Variants in SLC9A1 observed in about 807,000 individuals in gnomAD.
SLC9A1 encodes the protein sodium/hydrogen exchanger 1.
Under a neutral mutation model 67.9 loss-of-function variants are expected in SLC9A1, and 22 were observed. That is an observed-to-expected ratio of 0.32 (90% CI 0.23 to 0.46). The LOEUF (loss-of-function observed/expected upper bound fraction) is 0.46, where lower values mean the gene tolerates loss of function less well. Among genes scored for constraint, SLC9A1 ranks in the 20% least tolerant of loss-of-function variants. The pLI is 1.00. For missense variants in SLC9A1, 686 were observed against 1,094.8 expected, an observed-to-expected ratio of 0.63 and a Z score of 5.27; for synonymous variants, 421 against 471.8, an observed-to-expected ratio of 0.89 and a Z score of 1.40.
Position 27,151,364 on chromosome 1 carries a change from T to A in SLC9A1, c.352+2619A>T, listed in dbSNP as rs562232329. 8.5e-5 allele frequency among the ~76,000 whole-genome samples: 13 copies of A among 152,286 alleles called. No individual in the cohort carries two copies. The South Asian group carries it at 2.7e-3, about 32-fold the overall frequency. On this transcript the variant is annotated intron_variant, in intron 1 of 11. Transcript: ENST00000263980. ...TATTAGTTCCCATTTTATTTTTTTT[T>A]ATTTATTTATTTAGAGACGGAATTT...
chr1:27,109,882 CAAG>C lies in SLC9A1; in HGVS notation c.814-108_814-106del. Reference sequence around the variant, plus strand: ...CTGTCCCCTCCGTTAACCATGGCCACAAGAAGAGGCCACACGGTAGCAGAGAAA... The same window carrying C: ...CTGTCCCCTCCGTTAACCATGGCCACAAGAGGCCACACGGTAGCAGAGAAA... On this transcript the variant is annotated intron_variant, in intron 2 of 11. Coordinates refer to ENST00000263980, the MANE Select transcript of SLC9A1 (RefSeq NM_003047.5). This position sits in a 1 kb window ranked among gnomAD's most constrained non-coding sequence, Gnocchi z 5.5. 1 of 1,303,252 alleles carries C rather than the reference CAAG, an allele frequency of 7.7e-7. No homozygotes were observed. The highest frequency in any genetic ancestry group is 2.0e-5 in the Admixed American group (1 of 51,066). The allele number at this position is 1,303,252 out of a possible 1,614,324, so 80.7% of individuals were successfully genotyped here.
chr1:27,122,112 C>T (rs1205359499), intron 1 of SLC9A1, among the ~76,000 whole-genome samples: 1 of 152,084 alleles, frequency 6.6e-6, no homozygotes, highest in Non-Finnish European at 1.5e-5. Context: ...GAGACTCCAT[C>T]TCAAAAATAC....
chr1:27,154,434 G>A lies in SLC9A1; in HGVS notation c.-100C>T. On this transcript the variant is annotated 5_prime_UTR_variant, in exon 1 of 12. Coordinates refer to ENST00000263980, the MANE Select transcript of SLC9A1 (RefSeq NM_003047.5). ...GCAAGTGGGAAGAGAGACTGGCGTA[G>A]TCTCTAGGAAAAGTTCATGTTTTAG... The A allele has an allele frequency of 1.4e-6, 1 of 692,674 alleles. No homozygotes were observed. The highest frequency in any genetic ancestry group is 2.9e-5 in the East Asian group (1 of 34,468). The allele number at this position is 692,674 out of a possible 1,614,324, so 42.9% of individuals were successfully genotyped here.
At chr1:27,143,139 G>A (rs2083462797) in intron 1 of SLC9A1, among the ~76,000 whole-genome samples, 1 of 151,556 alleles carries the variant, frequency 6.6e-6, no homozygotes, top group East Asian at 1.9e-4. Flanking sequence ...GACTATTTTG[G>A]GAGCTCCACA....
intron 1 of SLC9A1, among the ~76,000 whole-genome samples, chr1:27,135,436 A>G (rs1482692223): frequency 1.3e-5 from 2 of 151,824 alleles, no homozygotes; most frequent in Non-Finnish European, 2.9e-5. Flanking sequence ...CCCGAGAAGC[A>G]AGGGAGTAAA....
chr1:27,129,859 C>G (rs1159339633), intron 1 of SLC9A1, among the ~76,000 whole-genome samples: 1 of 152,140 alleles, frequency 6.6e-6, no homozygotes, highest in African/African-American at 2.4e-5. Context: ...CTCCTAGCAG[C>G]CCTCTGACAC....
rs1452012880 is a variant in SLC9A1, at chr1:27,102,000, G to A, written c.1935+16C>T. 1.3e-6 allele frequency: 2 copies of A among 1,587,980 alleles called. No homozygotes were observed. ...CTCCTGTACCCTGGGGGTCGGGCTG[G>A]GGAGCAGGCCCTCACCCGCTGCCTG... On this transcript the variant is annotated intron_variant, in intron 9 of 11. Coordinates refer to ENST00000263980, the MANE Select transcript of SLC9A1 (RefSeq NM_003047.5). The surrounding 1 kb of genome is among the most constrained non-coding windows in gnomAD (Gnocchi z 4.9).
chr1:27,107,420 C>T (rs1180757559), intron 4 of SLC9A1, among the ~76,000 whole-genome samples: 7 of 150,054 alleles, frequency 4.7e-5, no homozygotes, highest in African/African-American at 1.5e-4. Context: ...ACACATCCAG[C>T]CCCCCTACAA....
chr1:27,125,046 T>C (rs1057134526), intron 1 of SLC9A1, among the ~76,000 whole-genome samples: 5 of 151,952 alleles, frequency 3.3e-5, no homozygotes, highest in Non-Finnish European at 7.4e-5. Context: ...CTAACTCCTT[T>C]CTTCCTCTCA....
At position 27,101,180 on chromosome 1, in the gene SLC9A1, G is replaced by A. The variant is rs1414253330; in HGVS notation, c.2110+23C>T. ...GTGGCAGCTCAGAGTGCCCAGTCCT[G>A]AGGCCCCTCGCCAGGCCCTTACCTG... On this transcript the variant is annotated intron_variant, in intron 11 of 11. Transcript: ENST00000263980. This position sits in a 1 kb window ranked among gnomAD's most constrained non-coding sequence, Gnocchi z 4.9. The A allele has an allele frequency of 6.3e-7, 1 of 1,598,728 alleles. No homozygotes were observed. Among genetic ancestry groups the A allele is most frequent in the Non-Finnish European group, 8.5e-7 (1 of 1,173,006 alleles).
Position 27,101,804 on chromosome 1 carries a change from G to A in SLC9A1, c.1958C>T (p.Thr653Met). 6.2e-7 allele frequency: 1 copy of A among 1,612,412 alleles called. No homozygotes were observed. The highest frequency in any genetic ancestry group is 8.5e-7 in the Non-Finnish European group (1 of 1,179,758). The part of the protein sequence containing the change: ...RQRLRSYNRH[T>M]LVADPYEEAW... ...TTCCTCGTAGGGGTCTGCCACCAGC[G>A]TGTGTCTGTTGTAGGACCGCAGCTG... The change falls in exon 10 of 12, where the codon ACG (threonine) becomes ATG (methionine). Residue 653 changes from threonine (T) to methionine (M), a missense_variant. Physicochemically the swap from Thr to Met is moderately conservative, Grantham distance 81. Transcript: ENST00000263980. The surrounding 1 kb of genome is among the most constrained non-coding windows in gnomAD (Gnocchi z 4.9).
At chr1:27,134,753 T>C (rs1318652083) in intron 1 of SLC9A1, among the ~76,000 whole-genome samples, 2 of 152,220 alleles carry the variant, frequency 1.3e-5, no homozygotes, top group African/African-American at 4.8e-5. Flanking sequence ...ATTTTGTTTG[T>C]TTCAAGAGCA....
chr1:27,128,520 C>A (rs1450057660), intron 1 of SLC9A1, among the ~76,000 whole-genome samples: 1 of 151,934 alleles, frequency 6.6e-6, no homozygotes, highest in Non-Finnish European at 1.5e-5. Context: ...TTGGGCATGG[C>A]TGGTGCATAC....
intron 6 of SLC9A1, 76 bp downstream of exon 6, chr1:27,103,147 G>C: frequency 9.1e-7 from 1 of 1,104,920 alleles, no homozygotes; most frequent in Non-Finnish European, 1.4e-6. Flanking sequence ...ATGGGGGGCA[G>C]AGACTTGAGG....
intron 1 of SLC9A1, among the ~76,000 whole-genome samples, chr1:27,146,840 T>C (rs2083488493): frequency 1.3e-5 from 2 of 152,108 alleles, no homozygotes; most frequent in South Asian, 2.1e-4. Context: ...TTAACAAATA[T>C]ATCACCAATT....
intron 1 of SLC9A1, among the ~76,000 whole-genome samples, chr1:27,142,222 T>C (rs1373706656): frequency 6.6e-6 from 1 of 152,180 alleles, no homozygotes; most frequent in Non-Finnish European, 1.5e-5. Flanking sequence ...TCTTACTGCC[T>C]AGGGACTCCT....
rs28457865 is a variant in SLC9A1 at position 27,153,973 on chromosome 1, C to G, written c.352+10G>C. On this transcript the variant is annotated intron_variant, in intron 1 of 11. Coordinates refer to ENST00000263980, the MANE Select transcript of SLC9A1 (RefSeq NM_003047.5). Reference sequence around the variant, plus strand: ...GTGGCGGCCGCAGCATCGGAGCAAACGGGACTTACCTATCTTCATGAGGCA... The same window carrying G: ...GTGGCGGCCGCAGCATCGGAGCAAAGGGGACTTACCTATCTTCATGAGGCA... 6.5e-6 allele frequency: 10 copies of G among 1,527,014 alleles called. No homozygotes were observed. The South Asian group carries it at 1.3e-4, about 19-fold the overall frequency. 94.6% of individuals were successfully genotyped at this position (1,527,014 alleles called of 1,614,324 possible).
intron 2 of SLC9A1, among the ~76,000 whole-genome samples, chr1:27,113,338 T>C (rs1444219291): frequency 6.6e-6 from 1 of 152,122 alleles, no homozygotes; most frequent in Non-Finnish European, 1.5e-5. Flanking sequence ...TGCATGCCTG[T>C]AGTCCTAGCC....
chr1:27,129,507 A>G (rs2083370631), intron 1 of SLC9A1, among the ~76,000 whole-genome samples: 2 of 152,208 alleles, frequency 1.3e-5, no homozygotes. Flanking sequence ...AGGAAGGCCC[A>G]GGGCTCTAGA....
Sources: allele counts gnomAD v4.1 joint callset (sites outside exome capture counted in the v4.1 genomes callset), GRCh38; gene constraint gnomAD v4.1.1; non-coding constraint Gnocchi (gnomAD v3.1); transcripts MANE v1.5; gene names NCBI Gene and HGNC (gene_info 2026-07-23, HGNC 2026-07-21).